PALD1: variants seen among roughly 807,000 people sequenced by gnomAD.
The protein encoded by PALD1 is paladin.
A neutral mutation model predicts 96.0 loss-of-function variants in PALD1; 57 were observed. The ratio of observed to expected loss-of-function variants is 0.59; its 90% CI spans 0.48 to 0.74. The LOEUF (loss-of-function observed/expected upper bound fraction) is 0.74, where lower values mean the gene tolerates loss of function less well. Ranked by LOEUF, PALD1 falls within the 30% of genes least tolerant of loss-of-function variation. The pLI, the probability that PALD1 is intolerant of heterozygous loss-of-function variation, is 0.00. For missense variants in PALD1, 1,063 were observed against 1,143.7 expected, an observed-to-expected ratio of 0.93 and a Z score of 1.02; for synonymous variants, 464 against 473.6, an observed-to-expected ratio of 0.98 and a Z score of 0.26.
intron 18 of PALD1, among the ~76,000 whole-genome samples, chr10:70,557,161 C>A (rs1170171294): frequency 6.6e-6 from 1 of 152,234 alleles, no homozygotes; most frequent in Non-Finnish European, 1.5e-5. Flanking sequence ...CCCTGTGGAA[C>A]CTTGGGCAAG....
chr10:70,482,958 G>A (rs559526978), intron 1 of PALD1, among the ~76,000 whole-genome samples: 1 of 152,198 alleles, frequency 6.6e-6, no homozygotes, highest in Admixed American at 6.5e-5. Flanking sequence ...TTGGTGGGAA[G>A]GGACCAGCGT....
rs760183959 is a variant in PALD1 at position 70,531,420 on chromosome 10, G to A, written c.599G>A (p.Arg200Gln). 5.0e-6 allele frequency: 8 copies of A among 1,613,910 alleles called. No homozygotes were observed. Among genetic ancestry groups the A allele is most frequent in the Middle Eastern group, 1.6e-4 (1 of 6,084 alleles). Residue 200 changes from arginine to glutamine, a missense_variant, in exon 5 of 20, where the codon CGG (arginine) becomes CAG (glutamine). By Grantham distance (43) the Arg-to-Gln change is conservative. Transcript: ENST00000263563. Reference sequence around the variant, plus strand: ...CTCCAGGGCCTTGGACCCGGGGTCCGGGTGGAGAGCCTGGAGCTGGCCATC... The same window carrying A: ...CTCCAGGGCCTTGGACCCGGGGTCCAGGTGGAGAGCCTGGAGCTGGCCATC... ...ENLQGLGPGV[R>Q]VESLELAIRK...
chr10:70,551,989 C>T (rs1362745887), intron 18 of PALD1, among the ~76,000 whole-genome samples: 1 of 152,232 alleles, frequency 6.6e-6, no homozygotes, highest in Non-Finnish European at 1.5e-5. Flanking sequence ...GCATGCAGCT[C>T]TCTGGAAGCT....
At chr10:70,553,704 G>A (rs1589216979) in intron 18 of PALD1, among the ~76,000 whole-genome samples, 2 of 152,288 alleles carry the variant, frequency 1.3e-5, no homozygotes, top group East Asian at 1.9e-4. Context: ...GACAAGACCC[G>A]GCCCCTGACT....
intron 1 of PALD1, among the ~76,000 whole-genome samples, chr10:70,487,926 T>G (rs1297004953): frequency 6.6e-6 from 1 of 152,214 alleles, no homozygotes; most frequent in African/African-American, 2.4e-5. Context: ...TTTCTGTCAC[T>G]ATGATTTTGT....
chr10:70,519,327 G>C (rs1043235727), intron 1 of PALD1, among the ~76,000 whole-genome samples: 11 of 152,218 alleles, frequency 7.2e-5, no homozygotes, highest in Admixed American at 6.5e-4. Context: ...ATGTTTCATG[G>C]TTCTAGAGGC....
In PALD1 at chr10:70,566,754, C is replaced by T; in HGVS notation, c.*21C>T. Reference sequence around the variant, plus strand: ...TGTAGGGGGCCTTACTCCCTGTCCCCCCACCCACAGGGCCCCACGCAGGCC... The same window carrying T: ...TGTAGGGGGCCTTACTCCCTGTCCCTCCACCCACAGGGCCCCACGCAGGCC... On this transcript the variant is annotated 3_prime_UTR_variant, in exon 20 of 20. Coordinates refer to ENST00000263563, the MANE Select transcript of PALD1 (RefSeq NM_014431.3). 1 of 1,536,574 alleles carries T rather than the reference C, an allele frequency of 6.5e-7. No individual in the cohort carries two copies. The highest frequency in any genetic ancestry group is 8.8e-7 in the Non-Finnish European group (1 of 1,131,984).
chr10:70,514,806 C>G (rs1363938937), intron 1 of PALD1, among the ~76,000 whole-genome samples: 1 of 151,938 alleles, frequency 6.6e-6, no homozygotes, highest in African/African-American at 2.4e-5. Context: ...GGACACGGGG[C>G]CGGAGGAGCA....
intron 1 of PALD1, among the ~76,000 whole-genome samples, chr10:70,493,130 C>CT (rs1228515020): frequency 1.3e-5 from 2 of 152,176 alleles, no homozygotes; most frequent in South Asian, 4.1e-4. Flanking sequence ...CTGCTGCTTC[C>CT]TTTTTTTGAA....
At position 70,568,449 on chromosome 10, in the gene PALD1, G is replaced by T. The variant is rs900763722; in HGVS notation, c.*1716G>T. 4.2e-5 allele frequency: 6 copies of T among 144,234 alleles called. No homozygotes were observed. Among genetic ancestry groups the T allele is most frequent in the African/African-American group, 1.5e-4 (6 of 38,796 alleles). The allele number at this position is 144,234 out of a possible 1,614,324, so 8.9% of individuals were successfully genotyped here. ...TTAAGCATTAAAAACAGCTAAATGT[G>T]AGTGCACCTGGCTGCTAATATGTCT... On this transcript the variant is annotated 3_prime_UTR_variant, in exon 20 of 20. Coordinates refer to ENST00000263563, the MANE Select transcript of PALD1 (RefSeq NM_014431.3).
intron 1 of PALD1, among the ~76,000 whole-genome samples, chr10:70,511,309 C>G (rs1374316605): frequency 6.6e-6 from 1 of 152,196 alleles, no homozygotes; most frequent in African/African-American, 2.4e-5. Context: ...TAGCTCTACC[C>G]TATAGTTTCC....
At chr10:70,469,216 A>T in the PALD1 span, among the ~76,000 whole-genome samples, 28 of 152,268 alleles carry the variant, frequency 1.8e-4, no homozygotes, top group Non-Finnish European at 1.0e-4. Flanking sequence ...TGGAACATGG[A>T]TTCCCAAATG....
the PALD1 span, among the ~76,000 whole-genome samples, chr10:70,468,488 C>T: frequency 6.6e-6 from 1 of 152,076 alleles, no homozygotes; most frequent in South Asian, 2.1e-4. Flanking sequence ...AGGTGATCCA[C>T]CCGGCTCGGC....
At chr10:70,494,943 T>G (rs1846164996) in intron 1 of PALD1, among the ~76,000 whole-genome samples, 1 of 152,224 alleles carries the variant, frequency 6.6e-6, no homozygotes, top group South Asian at 2.1e-4. Flanking sequence ...GAAAGGTAAT[T>G]TGGCAGTATC....
Position 70,547,379 on chromosome 10 carries a change from C to T in PALD1, c.2195C>T (p.Thr732Ile). The T allele has an allele frequency of 6.2e-7, 1 of 1,611,256 alleles. No individual in the cohort carries two copies. The highest frequency in any genetic ancestry group is 8.5e-7 in the Non-Finnish European group (1 of 1,177,980). Reference sequence around the variant, plus strand: ...AAGGAGGTGGACGCAGCGCTGGACACTGTCAGCGAGACCATGACGCCCATG... The same window carrying T: ...AAGGAGGTGGACGCAGCGCTGGACATTGTCAGCGAGACCATGACGCCCATG... Reference protein sequence around the residue: ...VKKEVDAALDTVSETMTPMHY... With the variant: ...VKKEVDAALDIVSETMTPMHY... The change falls in exon 18 of 20, where the codon ACT becomes ATT. Residue 732 changes from threonine to isoleucine, a missense_variant. By Grantham distance (89) the Thr-to-Ile change is moderately conservative. Coordinates refer to ENST00000263563, the MANE Select transcript of PALD1 (RefSeq NM_014431.3).
Position 70,567,157 on chromosome 10 carries a change from C to T in PALD1, c.*424C>T, listed in dbSNP as rs1847872461. On this transcript the variant is annotated 3_prime_UTR_variant, in exon 20 of 20. Coordinates refer to ENST00000263563, the MANE Select transcript of PALD1 (RefSeq NM_014431.3). ...AGACCCGGCCACTGGTAGCTCCCCA[C>T]TTCCTTACTCCTGCTGCTCTGCCAT... The T allele has an allele frequency of 6.0e-6, 1 of 166,922 alleles. No homozygotes were observed. The highest frequency in any genetic ancestry group is 6.4e-5 in the Admixed American group (1 of 15,584). 10.3% of individuals were successfully genotyped at this position (166,922 alleles called of 1,614,324 possible).
rs1208950884 is a variant in PALD1 at position 70,534,065 on chromosome 10, C to T, written c.1014C>T (p.Ser338=). 6.9e-6 allele frequency: 11 copies of T among 1,600,874 alleles called. No homozygotes were observed. The highest frequency in any genetic ancestry group is 5.6e-5 in the South Asian group (5 of 89,710). Residue 338 remains serine, a synonymous_variant, in exon 8 of 20, where the codon TCC becomes TCT. Coordinates refer to ENST00000263563, the MANE Select transcript of PALD1 (RefSeq NM_014431.3). ...TGCTTCACCGCAGTGGGACCACCTC[C>T]CAGCCAGAGTGAGTGGCCCGGGGCC... The part of the protein sequence containing the change: ...LILLHRSGTT[S]QPEAAPTQAK...
intron 1 of PALD1, among the ~76,000 whole-genome samples, chr10:70,515,390 A>G (rs1464323497): frequency 2.0e-5 from 3 of 152,170 alleles, no homozygotes; most frequent in Non-Finnish European, 4.4e-5. Context: ...GAGGAGAGTG[A>G]TGTGATGATC....
Position 70,566,784 on chromosome 10 carries a change from G to T in PALD1, c.*51G>T, listed in dbSNP as rs756885579. The T allele has an allele frequency of 4.6e-6, 6 of 1,300,156 alleles. No homozygotes were observed. Among genetic ancestry groups the T allele is most frequent in the Non-Finnish European group, 6.4e-6 (6 of 944,378 alleles). 80.5% of individuals were successfully genotyped at this position (1,300,156 alleles called of 1,614,324 possible). A position where few individuals can be genotyped will look rare whatever the true frequency, so the allele number is the denominator to read the frequency against. On this transcript the variant is annotated 3_prime_UTR_variant, in exon 20 of 20. Transcript: ENST00000263563. ...CCACAGGGCCCCACGCAGGCCTGGGGTGTCTGAGGTGCTCTTGGCTGGGAG... is the reference window on the plus strand; with the variant it reads ...CCACAGGGCCCCACGCAGGCCTGGGTTGTCTGAGGTGCTCTTGGCTGGGAG...
Sources: allele counts gnomAD v4.1 joint callset (sites outside exome capture counted in the v4.1 genomes callset), GRCh38; gene constraint gnomAD v4.1.1; transcripts MANE v1.5; gene names NCBI Gene and HGNC (gene_info 2026-07-23, HGNC 2026-07-21).